The following COXFA4L3 variants were observed in gnomAD, a reference collection of about 807,000 sequenced individuals.
COXFA4L3 encodes MIR147B host.
chr15:45,431,441 GT>G, the COXFA4L3 span: 152 of 185,022 alleles, frequency 8.2e-4, no homozygotes, highest in African/African-American at 3.4e-3. Context: ...TTCTTCAGTG[GT>G]TTTGGGAGAT....
At chr15:45,432,135 A>C in the COXFA4L3 span, 33 of 1,610,948 alleles carry the variant, frequency 2.0e-5, no homozygotes, top group Non-Finnish European at 2.6e-5. Flanking sequence ...CTCAAAAGGT[A>C]TTGTTAAATT....
the COXFA4L3 span, chr15:45,431,977 A>G: frequency 9.9e-7 from 1 of 1,015,016 alleles, no homozygotes; most frequent in Non-Finnish European, 1.5e-6. Flanking sequence ...CCTTAGTATG[A>G]GACTGGTTTT....
At chr15:45,430,834 T>G in the COXFA4L3 span, 170 of 1,594,362 alleles carry the variant, frequency 1.1e-4, no homozygotes, top group African/African-American at 1.8e-4. Context: ...AGGAAGGAAG[T>G]AAGTTTTAAA....
the COXFA4L3 span, chr15:45,432,132 G>T: frequency 8.2e-5 from 132 of 1,610,494 alleles, no homozygotes; most frequent in Non-Finnish European, 1.1e-4. Flanking sequence ...TACCTCAAAA[G>T]GTATTGTTAA....
chr15:45,433,157 T>C, the COXFA4L3 span: 1 of 892,972 alleles, frequency 1.1e-6, no homozygotes. Context: ...GGGCTCTGGA[T>C]AAGGAATTAA....
chr15:45,430,887 A>C, the COXFA4L3 span: 1 of 1,575,212 alleles, frequency 6.3e-7, no homozygotes, highest in Middle Eastern at 1.7e-4. Flanking sequence ...TTTAAAGATG[A>C]AAAGATGGCA....
At chr15:45,430,680 C>T in the COXFA4L3 span, 3 of 923,370 alleles carry the variant, frequency 3.2e-6, no homozygotes, top group Non-Finnish European at 5.0e-6. Flanking sequence ...TGCAGAGACG[C>T]GGACGCGCCG....
the COXFA4L3 span, chr15:45,430,867 A>C: frequency 6.9e-6 from 11 of 1,593,574 alleles, no homozygotes; most frequent in Non-Finnish European, 9.4e-6. Flanking sequence ...TCTTGACTAA[A>C]GTTTTCATTT....
At chr15:45,433,026 G>A in the COXFA4L3 span, 116 of 1,610,252 alleles carry the variant, frequency 7.2e-5, no homozygotes, top group African/African-American at 1.4e-3. Flanking sequence ...ACGAGCCCTC[G>A]CCTCTTTCTT....
the COXFA4L3 span, among the ~76,000 whole-genome samples, chr15:45,431,772 G>A: frequency 6.6e-6 from 1 of 152,156 alleles, no homozygotes; most frequent in South Asian, 2.1e-4. Flanking sequence ...CATGTCCTTG[G>A]CTTGGCAGTT....
At chr15:45,432,107 CTG>C in the COXFA4L3 span, 2 of 1,613,636 alleles carry the variant, frequency 1.2e-6, no homozygotes, top group Non-Finnish European at 1.7e-6. Context: ...CCTTGGGAAA[CTG>C]TGGACCCTAC....
At chr15:45,431,107 A>T in the COXFA4L3 span, 2 of 1,601,012 alleles carry the variant, frequency 1.2e-6, no homozygotes, top group Non-Finnish European at 1.7e-6. Flanking sequence ...CTCAATTTAT[A>T]AAAACGTTTT....
chr15:45,432,639 T>C, the COXFA4L3 span, among the ~76,000 whole-genome samples: 3 of 152,194 alleles, frequency 2.0e-5, no homozygotes, highest in African/African-American at 7.2e-5. Context: ...CACTCCAGCC[T>C]GGGCAACACA....
At chr15:45,431,251 T>C in the COXFA4L3 span, 10 of 480,692 alleles carry the variant, frequency 2.1e-5, no homozygotes, top group African/African-American at 1.4e-4. Context: ...CTTATGATAT[T>C]GTCTACCAAT....
chr15:45,432,417 C>G, the COXFA4L3 span, among the ~76,000 whole-genome samples: 1 of 152,200 alleles, frequency 6.6e-6, no homozygotes, highest in African/African-American at 2.4e-5. Context: ...GTAATGCCAA[C>G]ACTTTGGGAG....
chr15:45,430,961 G>A, the COXFA4L3 span: 2 of 1,591,994 alleles, frequency 1.3e-6, no homozygotes, highest in East Asian at 4.5e-5. Context: ...GTTTCATATT[G>A]AAGTGTCCAA....
chr15:45,430,793 C>T, the COXFA4L3 span: 1 of 1,611,732 alleles, frequency 6.2e-7, no homozygotes, highest in Non-Finnish European at 8.5e-7. Context: ...TCGCTGAAGT[C>T]ATCATGAGCT....
At chr15:45,430,705 T>G in the COXFA4L3 span, 1 of 1,297,918 alleles carries the variant, frequency 7.7e-7, no homozygotes, top group Non-Finnish European at 1.1e-6. Flanking sequence ...GCAGTTGGCC[T>G]GCGGAGCGCG....
At chr15:45,430,686 C>A in the COXFA4L3 span, 1 of 1,002,910 alleles carries the variant, frequency 1.0e-6, no homozygotes, top group Non-Finnish European at 1.5e-6. Context: ...GACGCGGACG[C>A]GCCGGCCCGC....
Sources: allele counts gnomAD v4.1 joint callset (sites outside exome capture counted in the v4.1 genomes callset), GRCh38; gene constraint gnomAD v4.1.1; transcripts MANE v1.5; gene names NCBI Gene and HGNC (gene_info 2026-07-23, HGNC 2026-07-21).